HDAC9: variants seen among roughly 807,000 people sequenced by gnomAD.
HDAC9 encodes the protein MEF-2 interacting transcription repressor (MITR) protein.
In HDAC9, 41 loss-of-function variants were observed where a neutral mutation model predicts 139.4. The ratio of observed to expected loss-of-function variants is 0.29; its 90% CI spans 0.23 to 0.38. HDAC9 has a LOEUF of 0.38. Ranked by LOEUF, HDAC9 falls within the 10% of genes least tolerant of loss-of-function variation. The pLI, the probability that HDAC9 is intolerant of heterozygous loss-of-function variation, is 1.00. For missense variants in HDAC9, 1,147 were observed against 1,297.0 expected, an observed-to-expected ratio of 0.88 and a Z score of 1.78; for synonymous variants, 517 against 476.2, an observed-to-expected ratio of 1.09 and a Z score of -1.12.
intron 15 of HDAC9, 133 bp from the exon 16 acceptor site, chr7:18,766,973 A>C: frequency 2.1e-6 from 1 of 465,710 alleles, no homozygotes; most frequent in East Asian, 3.5e-5. Context: ...ATTGGTCTGA[A>C]GTTTTATTAA....
intron 2 of HDAC9, among the ~76,000 whole-genome samples, chr7:18,182,911 G>A (rs1244491785): frequency 1.3e-5 from 2 of 152,240 alleles, no homozygotes; most frequent in African/African-American, 4.8e-5. Context: ...ATTAAAAAAC[G>A]GAAGAAAGAG....
intron 2 of HDAC9, among the ~76,000 whole-genome samples, chr7:18,274,198 G>A (rs564831611): frequency 4.6e-5 from 7 of 152,266 alleles, no homozygotes; most frequent in Admixed American, 2.6e-4. Flanking sequence ...AGTTCATTTT[G>A]TGTTGCTCTA....
intron 2 of HDAC9, among the ~76,000 whole-genome samples, chr7:18,197,519 T>C (rs907344515): frequency 2.0e-5 from 3 of 152,152 alleles, no homozygotes; most frequent in Admixed American, 2.0e-4. Context: ...CTTTGAATCA[T>C]CTACAAGTAG....
chr7:18,498,233 C>A (rs965548190), intron 2 of HDAC9, among the ~76,000 whole-genome samples: 1 of 152,068 alleles, frequency 6.6e-6, no homozygotes, highest in African/African-American at 2.4e-5. Flanking sequence ...CATATATGTT[C>A]TTAAATTTAA....
chr7:18,317,770 A>G (rs778907610), intron 1 of HDAC9, among the ~76,000 whole-genome samples: 1 of 152,170 alleles, frequency 6.6e-6, no homozygotes, highest in Non-Finnish European at 1.5e-5. Flanking sequence ...CTGTAAATCT[A>G]TGGTGTAAGG....
rs546768608 is a variant in HDAC9 at position 18,770,693 on chromosome 7, A to G, written c.2214+3538A>G. 1.8e-3 allele frequency among the ~76,000 whole-genome samples: 278 copies of G among 152,198 alleles called. 1 individual carries two copies. Among genetic ancestry groups the G allele is most frequent in the Non-Finnish European group, 2.8e-3 (188 of 68,040 alleles). On this transcript the variant is annotated intron_variant, in intron 16 of 25. Coordinates refer to ENST00000686413, the MANE Select transcript of HDAC9 (RefSeq NM_178425.4). ...TCCCCTGATACACTTAGAGAAATTG[A>G]TAACAGACTCTGCGCTTCTTTTATG...
chr7:18,839,157 ATTTCCGAGG>A (rs1209955042), intron 21 of HDAC9, among the ~76,000 whole-genome samples: 1 of 152,070 alleles, frequency 6.6e-6, no homozygotes, highest in Non-Finnish European at 1.5e-5. Context: ...ACTAAAATAT[ATTTCCGAGG>A]TTACCATTGT....
chr7:18,828,678 G>A (rs977113560), intron 17 of HDAC9, among the ~76,000 whole-genome samples: 57 of 152,102 alleles, frequency 3.7e-4, no homozygotes, highest in Non-Finnish European at 5.1e-4. Context: ...GTGTGTGAGT[G>A]TAAATTTATC....
rs139409423 is a variant in HDAC9, at chr7:18,271,804, A to C, written c.25+109455A>C. ...TGATACCTGCCTTCTGCAGGAATCT[A>C]TAAGCTTCTGTGAAGGCAAAAATCA... On this transcript the variant is annotated intron_variant, in intron 2 of 12. Transcript: ENST00000417496. Among the ~76,000 whole-genome samples, 442 of 152,326 alleles carry C rather than the reference A, an allele frequency of 2.9e-3. 2 individuals are homozygous for C. The highest frequency in any genetic ancestry group is 9.8e-3 in the African/African-American group (409 of 41,570).
chr7:18,955,164 C>T (rs1187101668), intron 24 of HDAC9, among the ~76,000 whole-genome samples: 1 of 151,838 alleles, frequency 6.6e-6, no homozygotes, highest in Admixed American at 6.6e-5. Context: ...AAAAATAAAC[C>T]TTCAAATGCT....
At chr7:18,868,158 C>T (rs576964827) in intron 21 of HDAC9, among the ~76,000 whole-genome samples, 1 of 151,808 alleles carries the variant, frequency 6.6e-6, no homozygotes, top group Non-Finnish European at 1.5e-5. Context: ...GCCAGGTAAT[C>T]CCTGATTTTC....
intron 8 of HDAC9, among the ~76,000 whole-genome samples, chr7:18,643,483 A>G (rs577796373): frequency 6.6e-6 from 1 of 152,240 alleles, no homozygotes; most frequent in South Asian, 2.1e-4. Flanking sequence ...TGCTCTTATT[A>G]TGTTAAGACT....
At chr7:18,232,486 CT>C (rs1198336479) in intron 2 of HDAC9, among the ~76,000 whole-genome samples, 4 of 152,118 alleles carry the variant, frequency 2.6e-5, no homozygotes, top group African/African-American at 9.7e-5. Flanking sequence ...CTAGTTGGAC[CT>C]AATCACTTCC....
chr7:18,437,912 CCACACA>C (rs577859178), intron 1 of HDAC9, among the ~76,000 whole-genome samples: 1 of 150,770 alleles, frequency 6.6e-6, no homozygotes, highest in Non-Finnish European at 1.5e-5. Flanking sequence ...CACACATGCA[CCACACA>C]CACACACTGC....
intron 1 of HDAC9, among the ~76,000 whole-genome samples, chr7:18,386,034 T>C (rs1471401004): frequency 6.6e-6 from 1 of 152,226 alleles, no homozygotes; most frequent in Non-Finnish European, 1.5e-5. Flanking sequence ...ATTATACTTA[T>C]TCATTTTCTA....
chr7:18,792,858 C>T (rs1792448169), intron 16 of HDAC9, among the ~76,000 whole-genome samples: 1 of 152,200 alleles, frequency 6.6e-6, no homozygotes, highest in Non-Finnish European at 1.5e-5. Context: ...TGCTACCTGC[C>T]TAATAATTGT....
At chr7:18,984,624 A>T (rs779863862) in intron 25 of HDAC9, among the ~76,000 whole-genome samples, 2 of 151,566 alleles carry the variant, frequency 1.3e-5, no homozygotes, top group Non-Finnish European at 2.9e-5. Flanking sequence ...GTGTAGATAA[A>T]TTGTTGAGAA....
chr7:18,832,910 A>G (rs1238239023), intron 19 of HDAC9, among the ~76,000 whole-genome samples: 1 of 151,856 alleles, frequency 6.6e-6, no homozygotes, highest in Non-Finnish European at 1.5e-5. Flanking sequence ...TAATTTTTGT[A>G]TTTTTAGTAG....
At chr7:18,400,203 G>A (rs1787409326) in intron 1 of HDAC9, among the ~76,000 whole-genome samples, 1 of 152,170 alleles carries the variant, frequency 6.6e-6, no homozygotes, top group Admixed American at 6.5e-5. Context: ...ATAATTATAA[G>A]GACTTTGGAA....
Sources: gnomAD v4.1 joint callset for allele counts (sites outside exome capture counted in the v4.1 genomes callset) on GRCh38, gnomAD v4.1.1 for gene constraint, MANE v1.5 for transcripts, NCBI Gene and HGNC (gene_info 2026-07-23, HGNC 2026-07-21) for gene names.